The following LMTK2 variants were observed in gnomAD, a reference collection of about 807,000 sequenced individuals.
LMTK2 encodes the protein serine/threonine-protein kinase LMTK2.
Under a neutral mutation model 127.5 loss-of-function variants are expected in LMTK2, and 37 were observed. The ratio of observed to expected loss-of-function variants is 0.29; its 90% CI spans 0.22 to 0.38. The LOEUF (loss-of-function observed/expected upper bound fraction) is 0.38. Ranked by LOEUF, LMTK2 falls within the 10% of genes least tolerant of loss-of-function variation. The pLI, the probability that LMTK2 is intolerant of heterozygous loss-of-function variation, is 1.00. For synonymous variants in LMTK2, 819 were observed against 810.1 expected (o/e 1.01, Z -0.19); for missense variants, 1,694 against 1,920.3 (o/e 0.88, Z 2.20).
chr7:98,203,826 C>T, intron 12 of LMTK2, 118 bp from the exon 13 acceptor site: 1 of 1,569,590 alleles, frequency 6.4e-7, no homozygotes. Flanking sequence ...ACAGAACTGC[C>T]ATCTGCCAGC....
intron 1 of LMTK2, among the ~76,000 whole-genome samples, chr7:98,134,461 C>T (rs1796570014): frequency 6.6e-6 from 1 of 152,124 alleles, no homozygotes; most frequent in African/African-American, 2.4e-5. Flanking sequence ...GCTTTGCTTT[C>T]CTCAGGAGTC....
intron 1 of LMTK2, among the ~76,000 whole-genome samples, chr7:98,113,022 T>C (rs576310345): frequency 6.6e-6 from 1 of 152,140 alleles, no homozygotes; most frequent in South Asian, 2.1e-4. Context: ...CCTGTAGGTG[T>C]GTGACTACAG....
At chr7:98,184,219 T>C (rs910117737) in intron 7 of LMTK2, among the ~76,000 whole-genome samples, 3 of 152,116 alleles carry the variant, frequency 2.0e-5, no homozygotes, top group African/African-American at 7.2e-5. Flanking sequence ...CCTTAACCTG[T>C]CGAGCGTTCC....
intron 7 of LMTK2, among the ~76,000 whole-genome samples, chr7:98,175,513 G>A (rs1797263479): frequency 6.6e-6 from 1 of 152,232 alleles, no homozygotes; most frequent in Non-Finnish European, 1.5e-5. Context: ...CCAGAGCTTT[G>A]TGTGTGCACG....
chr7:98,193,535 C>A lies in LMTK2; in HGVS notation c.3070C>A (p.Pro1024Thr), dbSNP rs750210185. ...GSHTPQKLVP[P>T]DKPADSGYET... is the part of the protein sequence containing the mutation. ...TCACACTCCCCAGAAACTAGTGCCC[C>A]CCGATAAGCCGGCAGACAGTGGCTA... Residue 1024 changes from proline (P) to threonine (T), a missense_variant, in exon 11 of 14, where the codon CCC becomes ACC. By Grantham distance (38) the Pro-to-Thr change is conservative (BLOSUM62 -1). Around this residue, in one of 8 missense-constraint regions of LMTK2, gnomAD observed 65 missense variants for 116.5 expected, o/e 0.56. Coordinates refer to ENST00000297293, the MANE Select transcript of LMTK2 (RefSeq NM_014916.4). The surrounding 1 kb of genome is among the most constrained non-coding windows in gnomAD (Gnocchi z 4.1). 5 of 1,614,038 alleles carry A rather than the reference C, an allele frequency of 3.1e-6. No homozygotes were observed. The African/African-American group carries it at 6.7e-5, about 22-fold the overall frequency.
intron 7 of LMTK2, among the ~76,000 whole-genome samples, chr7:98,184,304 C>T (rs1797399835): frequency 6.6e-6 from 1 of 152,110 alleles, no homozygotes; most frequent in Non-Finnish European, 1.5e-5. Flanking sequence ...AGGATAACAC[C>T]AGTTCCGAGT....
Position 98,171,803 on chromosome 7 carries a change from C to T in LMTK2, c.791+129C>T, listed in dbSNP as rs950592968. On this transcript the variant is annotated intron_variant, in intron 7 of 13. Coordinates refer to ENST00000297293, the MANE Select transcript of LMTK2 (RefSeq NM_014916.4). This position sits in a 1 kb window ranked among gnomAD's most constrained non-coding sequence, Gnocchi z 5.1. ...TGAACCCAGCTCATGTAGGTAGAAG[C>T]GATCTCGTTCTTACCCATGTCCGGA... 2.2e-5 allele frequency: 22 copies of T among 1,018,782 alleles called. No individual in the cohort carries two copies. The highest frequency in any genetic ancestry group is 1.4e-4 in the East Asian group (5 of 36,094). The allele number at this position is 1,018,782 out of a possible 1,614,324, so 63.1% of individuals were successfully genotyped here. A position where few individuals can be genotyped will look rare whatever the true frequency, so the allele number is the denominator to read the frequency against.
At chr7:98,205,353 C>G in intron 13 of LMTK2, 111 bp from the exon 14 acceptor site, 1 of 1,370,216 alleles carries the variant, frequency 7.3e-7, no homozygotes, top group Non-Finnish European at 1.0e-6. Flanking sequence ...GTGCTGGGCT[C>G]AAAACACCCG....
At chr7:98,198,553 G>A (rs1797664734) in intron 11 of LMTK2, among the ~76,000 whole-genome samples, 1 of 152,022 alleles carries the variant, frequency 6.6e-6, no homozygotes, top group African/African-American at 2.4e-5. Context: ...GCAGTAGTGC[G>A]ATCTCTGCTC....
chr7:98,154,191 A>C (rs1253668143), intron 4 of LMTK2, among the ~76,000 whole-genome samples: 1 of 152,196 alleles, frequency 6.6e-6, no homozygotes, highest in Admixed American at 6.5e-5. Context: ...GCAGATTCTC[A>C]TTTCGTGTTC....
rs542217241 is a variant in LMTK2 at position 98,140,084 on chromosome 7, T to A, written c.232-1313T>A. On this transcript the variant is annotated intron_variant, in intron 2 of 13. Transcript: ENST00000297293. ...ACGTAAAAGGTTTCCACAACTTTCTTTCTTTCTTTCTTTCTTTCTTTCTTT... is the reference window on the plus strand; with the variant it reads ...ACGTAAAAGGTTTCCACAACTTTCTATCTTTCTTTCTTTCTTTCTTTCTTT... Among the ~76,000 whole-genome samples the A allele has an allele frequency of 7.9e-3, 21 of 2,650 alleles. 1 individual carries two copies. In the South Asian group the frequency reaches 0.29, roughly 37 times the overall value. The allele number at this position is 2,650 out of a possible 152,430, so 1.7% of individuals were successfully genotyped here.
At chr7:98,156,188 C>T (rs34320230) in intron 5 of LMTK2, among the ~76,000 whole-genome samples, 56,891 of 152,052 alleles carry the variant, frequency 0.37, 13,466 homozygotes, top group Middle Eastern at 0.62. Context: ...CTGTAATGGC[C>T]GGACGCAGTG....
At chr7:98,167,677 A>G (rs1332663372) in intron 6 of LMTK2, among the ~76,000 whole-genome samples, 3 of 152,224 alleles carry the variant, frequency 2.0e-5, no homozygotes, top group Non-Finnish European at 4.4e-5. Flanking sequence ...GCTCTTAGGC[A>G]TACAGGGAGG....
At chr7:98,114,874 C>T (rs906217369) in intron 1 of LMTK2, among the ~76,000 whole-genome samples, 8 of 151,950 alleles carry the variant, frequency 5.3e-5, no homozygotes, top group African/African-American at 1.7e-4. Flanking sequence ...AACCTCTTTG[C>T]GGACCCACCT....
chr7:98,191,544 TC>T, intron 10 of LMTK2, 69 bp from the exon 11 acceptor site: 1 of 1,276,716 alleles, frequency 7.8e-7, no homozygotes, highest in Non-Finnish European at 1.1e-6. Flanking sequence ...AGAGCAAGAC[TC>T]CGTCTCGAAC....
At chr7:98,164,293 A>G (rs947323418) in intron 6 of LMTK2, among the ~76,000 whole-genome samples, 1 of 152,212 alleles carries the variant, frequency 6.6e-6, no homozygotes, top group Non-Finnish European at 1.5e-5. Flanking sequence ...CTTTTGATTA[A>G]GGATCACTCA....
intron 1 of LMTK2, among the ~76,000 whole-genome samples, chr7:98,119,809 T>G (rs1157425637): frequency 6.6e-6 from 1 of 152,248 alleles, no homozygotes; most frequent in African/African-American, 2.4e-5. Flanking sequence ...AACCCCTGAT[T>G]CGTAATCTAT....
intron 1 of LMTK2, among the ~76,000 whole-genome samples, chr7:98,109,024 G>A (rs528189543): frequency 6.6e-6 from 1 of 152,026 alleles, no homozygotes; most frequent in Non-Finnish European, 1.5e-5. Flanking sequence ...ACCATGTCCG[G>A]CTAATTTTTG....
In LMTK2 at chr7:98,156,816, A is replaced by G. The variant is rs145543760; in HGVS notation, c.569+1940A>G. On this transcript the variant is annotated intron_variant, in intron 5 of 13. Transcript: ENST00000297293. ...AGACCCAGGGAATAGTCGATGTTGT[A>G]GTTTAAGGCTGAAGGCTGTCTGCTG... Among the ~76,000 whole-genome samples the G allele has an allele frequency of 1.7e-3, 261 of 152,292 alleles. 1 individual carries two copies. The highest frequency in any genetic ancestry group is 6.0e-3 in the African/African-American group (251 of 41,560).
Sources: gnomAD v4.1 joint callset for allele counts (sites outside exome capture counted in the v4.1 genomes callset) on GRCh38, gnomAD v4.1.1 for gene constraint, gnomAD v4.1.1 regional missense constraint, Gnocchi (gnomAD v3.1) non-coding constraint, MANE v1.5 for transcripts, NCBI Gene and HGNC (gene_info 2026-07-23, HGNC 2026-07-21) for gene names.